The following KIRREL3 variants were observed in gnomAD, a reference collection of about 807,000 sequenced individuals.
The protein encoded by KIRREL3 is kin of IRRE-like protein 3.
A neutral mutation model predicts 89.7 loss-of-function variants in KIRREL3; 36 were observed. The observed-to-expected ratio is 0.40, with a 90% CI of 0.31 to 0.53. The LOEUF (loss-of-function observed/expected upper bound fraction) is 0.53, where lower values mean the gene tolerates loss of function less well. Ranked by LOEUF, KIRREL3 falls within the 20% of genes least tolerant of loss-of-function variation. The pLI, the probability that KIRREL3 is intolerant of heterozygous loss-of-function variation, is 0.49. For synonymous variants in KIRREL3, 445 were observed against 441.4 expected, an observed-to-expected ratio of 1.01 and a Z score of -0.10; for missense variants, 864 against 1,056.6, an observed-to-expected ratio of 0.82 and a Z score of 2.53.
chr11:126,671,081 A>G (rs941659860), intron 1 of KIRREL3, among the ~76,000 whole-genome samples: 3 of 152,216 alleles, frequency 2.0e-5, no homozygotes, highest in Non-Finnish European at 2.9e-5. Context: ...GGCCATCTAT[A>G]TTAGAAACAG....
chr11:126,714,359 G>C (rs955719198), intron 1 of KIRREL3, among the ~76,000 whole-genome samples: 1 of 152,228 alleles, frequency 6.6e-6, no homozygotes, highest in Non-Finnish European at 1.5e-5. Context: ...GGCCCAGGCC[G>C]AGCCCTGATA....
rs1949362206 is a variant in KIRREL3 at position 126,752,330 on chromosome 11, C to T, written c.56-189418G>A. On this transcript the variant is annotated intron_variant, in intron 1 of 16. Transcript: ENST00000525144. This position sits in a 1 kb window ranked among gnomAD's most constrained non-coding sequence, Gnocchi z 4.8. ...ACTTTTGGATTTTGCAGATTCCTTT[C>T]CTGAGAGTTGAAATGATGGCTTTAA... is the stretch of plus-strand genomic sequence containing the variant. Among the ~76,000 whole-genome samples the T allele has an allele frequency of 6.6e-6, 1 of 151,922 alleles. No individual in the cohort carries two copies. The highest frequency in any genetic ancestry group is 6.6e-5 in the Admixed American group (1 of 15,248).
rs546924755 is a variant in KIRREL3 at position 126,605,690 on chromosome 11, G to A, written c.56-42778C>T. 4.6e-5 allele frequency among the ~76,000 whole-genome samples: 7 copies of A among 152,324 alleles called. No homozygotes were observed. The East Asian group carries it at 1.4e-3, about 29-fold the overall frequency. ...TTGCCATTCTTGGCCACACATATCC[G>A]TCATGCTGGGCCTGGAGCTGTGCGT... is the stretch of plus-strand genomic sequence containing the variant. On this transcript the variant is annotated intron_variant, in intron 1 of 16. Coordinates refer to ENST00000525144, the MANE Select transcript of KIRREL3 (RefSeq NM_032531.4). This position sits in a 1 kb window ranked among gnomAD's most constrained non-coding sequence, Gnocchi z 5.7.
At chr11:126,439,958 G>A (rs1250783188) in intron 11 of KIRREL3, among the ~76,000 whole-genome samples, 2 of 152,126 alleles carry the variant, frequency 1.3e-5, no homozygotes, top group African/African-American at 2.4e-5. Flanking sequence ...AAGGGAGAGA[G>A]AATGGAATGG....
Position 126,943,019 on chromosome 11 carries a change from G to T in KIRREL3, c.55+57436C>A, listed in dbSNP as rs1948506448. Among the ~76,000 whole-genome samples, 1 of 152,206 alleles carries T rather than the reference G, an allele frequency of 6.6e-6. No individual in the cohort carries two copies. Among genetic ancestry groups the T allele is most frequent in the African/African-American group, 2.4e-5 (1 of 41,456 alleles). On this transcript the variant is annotated intron_variant, in intron 1 of 16. Transcript: ENST00000525144. This position sits in a 1 kb window ranked among gnomAD's most constrained non-coding sequence, Gnocchi z 4.2. ...ATGACTGTGGAGAGGAACATTAAAA[G>T]ATTTTATTCTAAGATATTCCCTCCA...
intron 1 of KIRREL3, among the ~76,000 whole-genome samples, chr11:126,586,224 C>G (rs1448666364): frequency 6.6e-6 from 1 of 152,174 alleles, no homozygotes; most frequent in East Asian, 1.9e-4. Context: ...TGAATTAGAG[C>G]GGCCACTCCT....
At chr11:126,457,072 G>A (rs1215721251) in intron 6 of KIRREL3, among the ~76,000 whole-genome samples, 2 of 152,118 alleles carry the variant, frequency 1.3e-5, no homozygotes, top group Admixed American at 6.6e-5. Flanking sequence ...GGGAGAGAAA[G>A]AGGCAGGGAG....
Position 126,463,496 on chromosome 11 carries a change from G to C in KIRREL3, c.592-189C>G, listed in dbSNP as rs542523116. 7.4e-4 allele frequency among the ~76,000 whole-genome samples: 113 copies of C among 152,348 alleles called. No individual in the cohort carries two copies. The highest frequency in any genetic ancestry group is 2.6e-3 in the African/African-American group (110 of 41,588). Reference sequence around the variant, plus strand: ...GGTTACCCCCTGGCTCCCTGGCCTGGCTAAGTGCTGGGCTGTGGAAGGAAA... The same window carrying C: ...GGTTACCCCCTGGCTCCCTGGCCTGCCTAAGTGCTGGGCTGTGGAAGGAAA... On this transcript the variant is annotated intron_variant, in intron 5 of 16. Transcript: ENST00000525144. The surrounding 1 kb of genome is among the most constrained non-coding windows in gnomAD (Gnocchi z 5.9).
intron 4 of KIRREL3, among the ~76,000 whole-genome samples, chr11:126,511,666 G>A (rs780752068): frequency 3.9e-5 from 6 of 152,178 alleles, no homozygotes; most frequent in African/African-American, 1.2e-4. Flanking sequence ...CTTGGCCTCC[G>A]CGAGTCTGCC....
intron 1 of KIRREL3, among the ~76,000 whole-genome samples, chr11:126,630,438 T>G (rs638008): frequency 1.3e-5 from 2 of 152,146 alleles, no homozygotes; most frequent in African/African-American, 2.4e-5. Context: ...ATGGAAATCT[T>G]TCCTCCTTTT....
At chr11:126,972,283 T>C (rs1265850412) in intron 1 of KIRREL3, among the ~76,000 whole-genome samples, 1 of 152,106 alleles carries the variant, frequency 6.6e-6, no homozygotes, top group Non-Finnish European at 1.5e-5. Context: ...TCAGGGTGGA[T>C]ATTTGCTATA....
intron 1 of KIRREL3, among the ~76,000 whole-genome samples, chr11:126,670,526 G>A (rs1204956587): frequency 5.3e-5 from 8 of 152,078 alleles, no homozygotes; most frequent in East Asian, 1.9e-4. Flanking sequence ...CTTTATTCTC[G>A]GGTAACATAA....
chr11:126,894,474 C>T (rs1946058913), intron 1 of KIRREL3, among the ~76,000 whole-genome samples: 1 of 125,134 alleles, frequency 8.0e-6, no homozygotes, highest in Non-Finnish European at 1.6e-5. Flanking sequence ...TTTGGGAGGC[C>T]AAGGTGGGCA....
chr11:126,710,161 A>T lies in KIRREL3; in HGVS notation c.56-147249T>A, dbSNP rs1208340353. ...TATTCTACTATTCTGTCCTGTGTCC[A>T]TCAGTAGATGGGCTGGCATCAGTGG... On this transcript the variant is annotated intron_variant, in intron 1 of 16. Coordinates refer to ENST00000525144, the MANE Select transcript of KIRREL3 (RefSeq NM_032531.4). The surrounding 1 kb of genome is among the most constrained non-coding windows in gnomAD (Gnocchi z 4.2). 6.6e-6 allele frequency among the ~76,000 whole-genome samples: 1 copy of T among 152,144 alleles called. No individual in the cohort carries two copies. The highest frequency in any genetic ancestry group is 1.5e-5 in the Non-Finnish European group (1 of 68,010).
chr11:126,833,233 A>C (rs1022910247), intron 1 of KIRREL3, among the ~76,000 whole-genome samples: 1 of 152,230 alleles, frequency 6.6e-6, no homozygotes, highest in Non-Finnish European at 1.5e-5. Context: ...CCCTGTCCTC[A>C]GTTAAGTATT....
Position 126,643,555 on chromosome 11 carries a change from G to A in KIRREL3, c.56-80643C>T, listed in dbSNP as rs1944552384. Among the ~76,000 whole-genome samples, 1 of 152,190 alleles carries A rather than the reference G, an allele frequency of 6.6e-6. No individual in the cohort carries two copies. Among genetic ancestry groups the A allele is most frequent in the Non-Finnish European group, 1.5e-5 (1 of 68,018 alleles). ...AGATGTAGGCTGAGGCGATATCATG[G>A]CAAATCTTTATCTCTACACTGATGA... On this transcript the variant is annotated intron_variant, in intron 1 of 16. Coordinates refer to ENST00000525144, the MANE Select transcript of KIRREL3 (RefSeq NM_032531.4). This position sits in a 1 kb window ranked among gnomAD's most constrained non-coding sequence, Gnocchi z 4.5.
rs528463397 is a variant in KIRREL3 at position 126,441,385 on chromosome 11, A to G, written c.1253-836T>C. 3.3e-5 allele frequency among the ~76,000 whole-genome samples: 5 copies of G among 152,352 alleles called. No individual in the cohort carries two copies. The highest frequency in any genetic ancestry group is 2.1e-4 in the South Asian group (1 of 4,830). ...GCCTGTTCCCCAGCGCCTCCTGTCC[A>G]GTTCCGCCTGTTACCTAACCCAAGT... On this transcript the variant is annotated intron_variant, in intron 10 of 16. Coordinates refer to ENST00000525144, the MANE Select transcript of KIRREL3 (RefSeq NM_032531.4). This position sits in a 1 kb window ranked among gnomAD's most constrained non-coding sequence, Gnocchi z 5.0.
intron 1 of KIRREL3, among the ~76,000 whole-genome samples, chr11:126,644,772 G>A (rs1411104559): frequency 6.6e-6 from 1 of 152,242 alleles, no homozygotes; most frequent in East Asian, 1.9e-4. Context: ...GCCTCAAAGA[G>A]TTAAAGTTTT....
chr11:126,568,441 T>A lies in KIRREL3; in HGVS notation c.56-5529A>T, dbSNP rs1205320128. Among the ~76,000 whole-genome samples, 1 of 152,178 alleles carries A rather than the reference T, an allele frequency of 6.6e-6. No individual in the cohort carries two copies. Among genetic ancestry groups the A allele is most frequent in the Admixed American group, 6.5e-5 (1 of 15,284 alleles). On this transcript the variant is annotated intron_variant, in intron 1 of 16. Transcript: ENST00000525144. The surrounding 1 kb of genome is among the most constrained non-coding windows in gnomAD (Gnocchi z 4.6). ...AGCAAGGGAAGGACCCTCAGTTTTATCCTGACATTCATCCCTGCCACGTTG... is the reference window on the plus strand; with the variant it reads ...AGCAAGGGAAGGACCCTCAGTTTTAACCTGACATTCATCCCTGCCACGTTG...
Sources: allele counts gnomAD v4.1 joint callset (sites outside exome capture counted in the v4.1 genomes callset), GRCh38; gene constraint gnomAD v4.1.1; non-coding constraint Gnocchi (gnomAD v3.1); transcripts MANE v1.5; gene names NCBI Gene and HGNC (gene_info 2026-07-23, HGNC 2026-07-21).